SPOP: variants seen among roughly 807,000 people sequenced by gnomAD.
SPOP encodes speckle-type POZ protein.
In SPOP, 11 loss-of-function variants were observed where a neutral mutation model predicts 45.6. The ratio of observed to expected loss-of-function variants is 0.24; its 90% CI spans 0.15 to 0.40. The LOEUF (loss-of-function observed/expected upper bound fraction) is 0.40, where lower values mean the gene tolerates loss of function less well. SPOP is among the 10% of genes least tolerant of loss of function. The pLI is 1.00. For synonymous variants in SPOP, 166 were observed against 166.3 expected, an observed-to-expected ratio of 1.00 and a Z score of 0.01; for missense variants, 152 against 465.6, an observed-to-expected ratio of 0.33 and a Z score of 6.20.
chr17:49,678,085 C>G lies in SPOP; in HGVS notation c.-219G>C. 5.0e-6 allele frequency: 2 copies of G among 398,386 alleles called. No individual in the cohort carries two copies. The highest frequency in any genetic ancestry group is 8.9e-6 in the Non-Finnish European group (2 of 225,932). 24.7% of individuals were successfully genotyped at this position (398,386 alleles called of 1,614,324 possible). A position where few individuals can be genotyped will look rare whatever the true frequency, so the allele number is the denominator to read the frequency against. ...CACACACATACACACCGACACACACCAGCCGGGGCGTCATGGCGTCAGCAC... is the reference window on the plus strand; with the variant it reads ...CACACACATACACACCGACACACACGAGCCGGGGCGTCATGGCGTCAGCAC... On this transcript the variant is annotated 5_prime_UTR_variant, in exon 1 of 10. Transcript: ENST00000504102.
chr17:49,627,021 T>C (rs2072346578), intron 1 of SPOP, among the ~76,000 whole-genome samples: 1 of 152,084 alleles, frequency 6.6e-6, no homozygotes, highest in African/African-American at 2.4e-5. Context: ...AGCTAATTTT[T>C]TGTGTTTTTA....
At position 49,652,950 on chromosome 17, in the gene SPOP, A is replaced by T. The variant is rs150648553; in HGVS notation, c.-67+24983T>A. On this transcript the variant is annotated intron_variant, in intron 1 of 9. Coordinates refer to ENST00000504102, the MANE Select transcript of SPOP (RefSeq NM_001007228.2). ...TCAGCATTTTATTGGGTCTTCCAAA[A>T]ATCAATCCTTCACAATGAGAAATGG... is the stretch of plus-strand genomic sequence containing the variant. Among the ~76,000 whole-genome samples, 647 of 152,342 alleles carry T rather than the reference A, an allele frequency of 4.2e-3. 8 individuals are homozygous for T. Among genetic ancestry groups the T allele is most frequent in the Admixed American group, 0.023 (355 of 15,292 alleles).
chr17:49,661,851 TA>T (rs2072991811), intron 1 of SPOP, among the ~76,000 whole-genome samples: 1 of 151,888 alleles, frequency 6.6e-6, no homozygotes, highest in South Asian at 2.1e-4. Flanking sequence ...CCGCCTCTAC[TA>T]AAAGTACAAA....
At chr17:49,662,686 C>G (rs1372314510) in intron 1 of SPOP, among the ~76,000 whole-genome samples, 3 of 117,338 alleles carry the variant, frequency 2.6e-5, no homozygotes, top group African/African-American at 6.3e-5. Flanking sequence ...GACTCCATCT[C>G]AAAAAAAAAA....
At position 49,608,874 on chromosome 17, in the gene SPOP, T is replaced by C. The variant is rs551176351; in HGVS notation, c.659-945A>G. 3.3e-5 allele frequency among the ~76,000 whole-genome samples: 5 copies of C among 152,002 alleles called. No individual in the cohort carries two copies. In the East Asian group the frequency reaches 9.6e-4, roughly 29 times the overall value. ...TGGAAATTTTGGCCTATAGTTTATG[T>C]CAGAAAGCACTAATTTTAGCTCTGC... is the stretch of plus-strand genomic sequence containing the variant. On this transcript the variant is annotated intron_variant, in intron 6 of 9. Transcript: ENST00000504102.
intron 2 of SPOP, chr17:49,622,296 TGA>T (rs1219574415): frequency 2.7e-5 from 17 of 622,122 alleles, no homozygotes; most frequent in Non-Finnish European, 4.7e-5. Context: ...GGATGGAAAG[TGA>T]GAGAAACATA....
chr17:49,661,802 T>A (rs1372179808), intron 1 of SPOP, among the ~76,000 whole-genome samples: 1 of 152,014 alleles, frequency 6.6e-6, no homozygotes, highest in African/African-American at 2.4e-5. Flanking sequence ...TCACCTGAAG[T>A]CGGGAGTTCA....
At chr17:49,654,776 CTCTG>C (rs2143504465) in intron 1 of SPOP, among the ~76,000 whole-genome samples, 1 of 152,244 alleles carries the variant, frequency 6.6e-6, no homozygotes, top group African/African-American at 2.4e-5. Flanking sequence ...CAGAGTGAGA[CTCTG>C]TCTCAAAAAA....
chr17:49,643,769 A>G (rs1283943647), intron 1 of SPOP, among the ~76,000 whole-genome samples: 1 of 151,956 alleles, frequency 6.6e-6, no homozygotes, highest in East Asian at 1.9e-4. Context: ...CATCTCTACA[A>G]AAACACAAAA....
intron 6 of SPOP, among the ~76,000 whole-genome samples, chr17:49,610,723 C>T (rs2071954693): frequency 6.6e-6 from 1 of 152,186 alleles, no homozygotes; most frequent in Admixed American, 6.5e-5. Flanking sequence ...TGTTACCCTT[C>T]CCTGGGCGGT....
chr17:49,605,751 G>A (rs1007547290), intron 8 of SPOP, among the ~76,000 whole-genome samples: 2 of 151,668 alleles, frequency 1.3e-5, no homozygotes, highest in African/African-American at 4.9e-5. Flanking sequence ...ACTTTGGGAG[G>A]CAGAGGTGGG....
intron 1 of SPOP, among the ~76,000 whole-genome samples, chr17:49,665,194 A>C (rs2073036767): frequency 6.6e-6 from 1 of 152,174 alleles, no homozygotes; most frequent in Admixed American, 6.6e-5. Context: ...TTGAATGGAA[A>C]TTGTAGGCTC....
chr17:49,618,458 A>G (rs969792649), intron 5 of SPOP: 2 of 433,894 alleles, frequency 4.6e-6, no homozygotes, highest in East Asian at 7.1e-5. Flanking sequence ...ACTGTGAGTT[A>G]GAGAGCTTTA....
At chr17:49,659,331 A>G (rs1284489500) in intron 1 of SPOP, among the ~76,000 whole-genome samples, 3 of 152,194 alleles carry the variant, frequency 2.0e-5, no homozygotes, top group African/African-American at 7.2e-5. Context: ...AGCCTCTCCT[A>G]AACATCAATA....
chr17:49,661,870 G>A (rs1480049724), intron 1 of SPOP, among the ~76,000 whole-genome samples: 3 of 151,964 alleles, frequency 2.0e-5, no homozygotes, highest in South Asian at 2.1e-4. Flanking sequence ...AAAATTAGCC[G>A]GGCATTGTGG....
intron 1 of SPOP, among the ~76,000 whole-genome samples, chr17:49,671,641 T>C (rs2073136964): frequency 6.6e-6 from 1 of 152,080 alleles, no homozygotes; most frequent in Admixed American, 6.5e-5. Context: ...AGAGATGATA[T>C]TGTACCATTT....
chr17:49,646,035 A>G lies in SPOP; in HGVS notation c.-66-23159T>C, dbSNP rs1350582904. On this transcript the variant is annotated intron_variant, in intron 1 of 9. Transcript: ENST00000504102. ...AAAAAACACATAAAAAGTACTAACC[A>G]TATTTTGCTGCCTTTCCTTTCTGTA... 2.0e-5 allele frequency: 3 copies of G among 152,302 alleles called. No homozygotes were observed. The East Asian group carries it at 5.8e-4, about 29-fold the overall frequency. 9.4% of individuals were successfully genotyped at this position (152,302 alleles called of 1,614,324 possible).
chr17:49,660,329 A>G (rs1470520161), intron 1 of SPOP, among the ~76,000 whole-genome samples: 2 of 152,152 alleles, frequency 1.3e-5, no homozygotes, highest in Non-Finnish European at 2.9e-5. Flanking sequence ...TTCTACAGAT[A>G]TTTACTCAAG....
chr17:49,609,250 C>T (rs1325324475), intron 6 of SPOP, among the ~76,000 whole-genome samples: 1 of 152,210 alleles, frequency 6.6e-6, no homozygotes, highest in African/African-American at 2.4e-5. Flanking sequence ...GGGCAAATCA[C>T]TTAACCCTCT....
Sources: allele counts gnomAD v4.1 joint callset (sites outside exome capture counted in the v4.1 genomes callset), GRCh38; gene constraint gnomAD v4.1.1; transcripts MANE v1.5; gene names NCBI Gene and HGNC (gene_info 2026-07-23, HGNC 2026-07-21).